The following FREM2 variants were observed in gnomAD, a reference collection of about 807,000 sequenced individuals.
FREM2 encodes FRAS1 related extracellular matrix 2.
A neutral mutation model predicts 219.9 loss-of-function variants in FREM2; 119 were observed. The observed-to-expected ratio is 0.54, with a 90% confidence interval of 0.47 to 0.63. The LOEUF is 0.63. Among genes scored for constraint, FREM2 ranks in the 30% least tolerant of loss-of-function variants. FREM2 has a pLI of 0.00. For synonymous variants in FREM2, 1,562 were observed against 1,522.8 expected, an observed-to-expected ratio of 1.03 and a Z score of -0.60; for missense variants, 4,030 against 3,993.6, an observed-to-expected ratio of 1.01 and a Z score of -0.25.
chr13:38,809,284 C>T, intron 6 of FREM2, among the ~76,000 whole-genome samples: 1 of 151,228 alleles, frequency 6.6e-6, no homozygotes, highest in Non-Finnish European at 1.5e-5. Context: ...CATCCAGATC[C>T]TGAATTGTTT....
chr13:38,770,925 C>T (rs1221266378), intron 4 of FREM2, among the ~76,000 whole-genome samples: 8 of 151,894 alleles, frequency 5.3e-5, no homozygotes, highest in Non-Finnish European at 1.0e-4. Context: ...TTATACAAAC[C>T]GTATAGAAAC....
At position 38,876,129 on chromosome 13, in the gene FREM2, A is replaced by G. The variant is rs1878331420; in HGVS notation, c.8389A>G (p.Ser2797Gly). ...PTYNQPVQQW[S>G]FVSDFAVRDY... The stretch of plus-strand genomic sequence containing the variant: ...CTATAACCAGCCAGTACAGCAGTGG[A>G]GCTTTGTCTCTGACTTTGCCGTAAG... Residue 2797 changes from serine to glycine, a missense_variant, in exon 19 of 24, where the codon AGC (serine) becomes GGC (glycine). Physicochemically the swap from Ser to Gly is moderately conservative, Grantham distance 56. Transcript: ENST00000280481. 6.2e-7 allele frequency: 1 copy of G among 1,613,972 alleles called. No homozygotes were observed. The highest frequency in any genetic ancestry group is 1.7e-5 in the Admixed American group (1 of 60,002).
intron 15 of FREM2, 60 bp downstream of exon 15, chr13:38,861,622 A>G (rs769812863): frequency 3.2e-6 from 5 of 1,570,010 alleles, no homozygotes; most frequent in Non-Finnish European, 4.4e-6. Flanking sequence ...TACCTGTTGT[A>G]TTTTCCTTCA....
At chr13:38,727,762 A>G (rs967029913) in intron 2 of FREM2, among the ~76,000 whole-genome samples, 1 of 152,212 alleles carries the variant, frequency 6.6e-6, no homozygotes, top group Non-Finnish European at 1.5e-5. Flanking sequence ...GTAGCCTCCC[A>G]GTAGCTTGCT....
chr13:38,725,470 T>C (rs551361830), intron 2 of FREM2, among the ~76,000 whole-genome samples: 1 of 152,366 alleles, frequency 6.6e-6, no homozygotes, highest in East Asian at 1.9e-4. Flanking sequence ...GCGCCAGTTA[T>C]GCTTTGTTCA....
intron 2 of FREM2, among the ~76,000 whole-genome samples, chr13:38,738,191 A>G (rs58673863): frequency 0.071 from 10,834 of 152,182 alleles, 1,063 homozygotes; most frequent in African/African-American, 0.22. Context: ...CTTTGCAGGA[A>G]AAAATAATGA....
intron 4 of FREM2, among the ~76,000 whole-genome samples, chr13:38,779,941 A>C (rs2137826262): frequency 6.6e-6 from 1 of 152,210 alleles, no homozygotes; most frequent in South Asian, 2.1e-4. Flanking sequence ...ACTTTTTCTC[A>C]GCCTCATTTG....
intron 2 of FREM2, among the ~76,000 whole-genome samples, chr13:38,708,887 G>A (rs528740443): frequency 1.3e-5 from 2 of 152,178 alleles, no homozygotes; most frequent in South Asian, 2.1e-4. Flanking sequence ...AGCCTTCTGA[G>A]TAGCTGGGAT....
chr13:38,859,687 A>G, intron 14 of FREM2, 97 bp downstream of exon 14: 5 of 1,128,736 alleles, frequency 4.4e-6, no homozygotes, highest in Non-Finnish European at 6.6e-6. Context: ...TGTCCCACAT[A>G]TTCCATATAT....
chr13:38,802,251 C>T (rs986468185), intron 6 of FREM2, among the ~76,000 whole-genome samples: 1 of 151,478 alleles, frequency 6.6e-6, no homozygotes, highest in African/African-American at 2.4e-5. Flanking sequence ...GCAAGTGGGG[C>T]CACTCTCAAT....
At chr13:38,762,037 G>T (rs1873246285) in intron 2 of FREM2, among the ~76,000 whole-genome samples, 1 of 152,228 alleles carries the variant, frequency 6.6e-6, no homozygotes, top group African/African-American at 2.4e-5. Context: ...CAGTGGGCAT[G>T]CAGGGTGGGC....
chr13:38,725,246 T>C (rs1871468330), intron 2 of FREM2, among the ~76,000 whole-genome samples: 1 of 152,218 alleles, frequency 6.6e-6, no homozygotes, highest in Non-Finnish European at 1.5e-5. Context: ...GGTGCAGGAT[T>C]TAGAACAATG....
At chr13:38,877,332 T>G in intron 21 of FREM2, 89 bp downstream of exon 21, 1 of 1,391,142 alleles carries the variant, frequency 7.2e-7, no homozygotes, top group Non-Finnish European at 1.0e-6. Flanking sequence ...AGGGGGCAAA[T>G]TATAGCTTTT....
chr13:38,849,773 T>G (rs1198456985), intron 8 of FREM2, among the ~76,000 whole-genome samples: 1 of 152,200 alleles, frequency 6.6e-6, no homozygotes, highest in East Asian at 1.9e-4. Flanking sequence ...GATACAAATA[T>G]CTTAAGGTTT....
intron 8 of FREM2, among the ~76,000 whole-genome samples, chr13:38,849,363 G>C (rs535783828): frequency 6.6e-6 from 1 of 152,246 alleles, no homozygotes; most frequent in South Asian, 2.1e-4. Context: ...ACAGACTCCT[G>C]AGTGTCAATA....
In FREM2 at chr13:38,688,514, C is replaced by T; in HGVS notation, c.1170C>T (p.Leu390=). ...LSSFTQRDLR[L]LKIAYQPPSE... ...CCTTCACTCAGAGGGATCTGCGGCTCCTGAAGATTGCCTACCAGCCCCCTT... is the reference window on the plus strand; with the variant it reads ...CCTTCACTCAGAGGGATCTGCGGCTTCTGAAGATTGCCTACCAGCCCCCTT... The change falls in exon 1 of 24, where the codon CTC becomes CTT. Residue 390 remains leucine, a synonymous_variant. Coordinates refer to ENST00000280481, the MANE Select transcript of FREM2 (RefSeq NM_207361.6). The T allele has an allele frequency of 6.2e-7, 1 of 1,614,028 alleles. No homozygotes were observed. The highest frequency in any genetic ancestry group is 8.5e-7 in the Non-Finnish European group (1 of 1,179,980).
intron 2 of FREM2, among the ~76,000 whole-genome samples, chr13:38,738,565 CAAAAAAAAAA>C (rs71074478): frequency 4.1e-5 from 2 of 48,466 alleles, no homozygotes; most frequent in African/African-American, 1.3e-4. Context: ...GACTCCATCT[CAAAAAAAAAA>C]AAAAAAAAAA....
intron 16 of FREM2, among the ~76,000 whole-genome samples, chr13:38,866,869 A>G (rs117943939): frequency 0.033 from 5,072 of 152,196 alleles, 129 homozygotes; most frequent in Non-Finnish European, 0.053. Flanking sequence ...GCTTTATCCT[A>G]TTATATCTGT....
rs539800018 is a variant in FREM2 at position 38,880,425 on chromosome 13, C to T, written c.9148C>T (p.Arg3050Trp). ...AAAGCCCCAATCCACCACCAAGAGC[C>T]GGAAGAAGAGAGAGATCAGGAGCAC... ...QGKPQSTTKS[R>W]KKREIRSTPS... The change falls in exon 24 of 24, where the codon CGG becomes TGG. Residue 3050 changes from arginine (R) to tryptophan (W), a missense_variant. Transcript: ENST00000280481. The T allele has an allele frequency of 2.1e-5, 34 of 1,613,964 alleles. No individual in the cohort carries two copies. The South Asian group carries it at 2.2e-4, about 10-fold the overall frequency.
Sources: allele counts gnomAD v4.1 joint callset (sites outside exome capture counted in the v4.1 genomes callset), GRCh38; gene constraint gnomAD v4.1.1; transcripts MANE v1.5; gene names NCBI Gene and HGNC (gene_info 2026-07-23, HGNC 2026-07-21).